The following FARP2 variants were observed in gnomAD, a reference collection of about 807,000 sequenced individuals.
FARP2 encodes the protein FERM, ARHGEF and pleckstrin domain-containing protein 2.
FARP2 carries 111 observed loss-of-function variants against 130.5 expected under a neutral mutation model. The observed-to-expected ratio is 0.85, with a 90% CI of 0.73 to 1.00. The LOEUF is 1.00. Ranked by LOEUF, FARP2 falls within the 50% of genes least tolerant of loss-of-function variation. FARP2 has a pLI of 0.00. For missense variants in FARP2, 1,385 were observed against 1,346.3 expected, an observed-to-expected ratio of 1.03 and a Z score of -0.45; for synonymous variants, 504 against 516.9, an observed-to-expected ratio of 0.98 and a Z score of 0.34.
intron 16 of FARP2, 193 bp from the exon 17 acceptor site, chr2:241,463,706 C>G (rs1054440948): frequency 2.9e-6 from 2 of 679,520 alleles, no homozygotes; most frequent in African/African-American, 3.6e-5. Context: ...TGGTTACTAT[C>G]TGTTTTAGAG....
At chr2:241,477,123 CTTTTT>C (rs71406462) in intron 19 of FARP2, among the ~76,000 whole-genome samples, 3 of 122,646 alleles carry the variant, frequency 2.4e-5, no homozygotes, top group Admixed American at 9.9e-5. Flanking sequence ...ATTCATGTTC[CTTTTT>C]TTTTTTTTTT....
At chr2:241,441,922 G>C (rs2063394506) in intron 13 of FARP2, 1 of 376,604 alleles carries the variant, frequency 2.7e-6, no homozygotes, top group Non-Finnish European at 5.0e-6. Context: ...CCAGCCTCTG[G>C]TGGCCCCTCC....
intron 1 of FARP2, among the ~76,000 whole-genome samples, chr2:241,364,472 C>G (rs922869954): frequency 5.3e-5 from 8 of 152,200 alleles, no homozygotes; most frequent in African/African-American, 1.9e-4. Context: ...CCCGTAGACA[C>G]TGTGAGATAA....
rs577086896 is a variant in FARP2 at position 241,485,501 on chromosome 2, T to C, written c.2421+1170T>C. The stretch of plus-strand genomic sequence containing the variant: ...TCGGCTTCTCCCTCCCTCCCTGAGG[T>C]CCTCCCTCACTCCCTGTGATCTCCC... On this transcript the variant is annotated intron_variant, in intron 21 of 26. Coordinates refer to ENST00000264042, the MANE Select transcript of FARP2 (RefSeq NM_014808.4). Among the ~76,000 whole-genome samples, 5 of 141,722 alleles carry C rather than the reference T, an allele frequency of 3.5e-5. No individual in the cohort carries two copies. In the East Asian group the frequency reaches 1.1e-3, roughly 32 times the overall value. 93.0% of individuals were successfully genotyped at this position (141,722 alleles called of 152,430 possible).
chr2:241,445,239 T>G (rs1291560217), intron 13 of FARP2: 8 of 110,400 alleles, frequency 7.2e-5, no homozygotes. Flanking sequence ...AGCGAGGCCC[T>G]GTCTCAAAAA....
At chr2:241,420,384 T>C (rs999380447) in intron 8 of FARP2, among the ~76,000 whole-genome samples, 2 of 152,162 alleles carry the variant, frequency 1.3e-5, no homozygotes, top group African/African-American at 2.4e-5. Flanking sequence ...TTAAATGAAC[T>C]GGTGACATTA....
chr2:241,481,056 CAA>C (rs34996407), intron 19 of FARP2, among the ~76,000 whole-genome samples: 23,343 of 104,524 alleles, frequency 0.22, 2,203 homozygotes, highest in Middle Eastern at 0.28. Flanking sequence ...TTGTCTCTAC[CAA>C]AAAAAAAAAA....
intron 2 of FARP2, among the ~76,000 whole-genome samples, chr2:241,401,125 G>A (rs6746127): frequency 0.19 from 28,950 of 152,166 alleles, 3,102 homozygotes; most frequent in Middle Eastern, 0.35. Flanking sequence ...TTAAAGAGGC[G>A]TTCCTTGTAC....
rs187973574 is a variant in FARP2, at chr2:241,429,898, A to G, written c.772-1781A>G. The stretch of plus-strand genomic sequence containing the variant: ...AGGAGTTTGAGACTCCTTATCTCTT[A>G]AGGAAAGAAAGGTTACTTTTTGTCC... On this transcript the variant is annotated intron_variant, in intron 8 of 26. Coordinates refer to ENST00000264042, the MANE Select transcript of FARP2 (RefSeq NM_014808.4). 7.3e-3 allele frequency among the ~76,000 whole-genome samples: 1,119 copies of G among 152,306 alleles called. 8 individuals carry two copies. Among genetic ancestry groups the G allele is most frequent in the Non-Finnish European group, 0.012 (804 of 68,020 alleles).
At chr2:241,403,690 A>G (rs957653717) in intron 2 of FARP2, 138 bp from the exon 3 acceptor site, 2 of 445,052 alleles carry the variant, frequency 4.5e-6, no homozygotes, top group African/African-American at 2.0e-5. Context: ...TTTTTTATAT[A>G]TAGTTTATAA....
At chr2:241,491,750 G>A (rs2064922189) in intron 24 of FARP2, 71 bp downstream of exon 24, 4 of 1,454,050 alleles carry the variant, frequency 2.8e-6, no homozygotes, top group Middle Eastern at 2.4e-4. Flanking sequence ...GGCTGCTGAG[G>A]AGGGGACCTC....
intron 20 of FARP2, 42 bp from the exon 21 acceptor site, chr2:241,484,200 T>C (rs760740031): frequency 6.8e-6 from 11 of 1,613,096 alleles, no homozygotes; most frequent in Non-Finnish European, 8.5e-6. Flanking sequence ...ATTAAGACAC[T>C]TGTTTGTGAA....
chr2:241,386,104 T>G (rs193038188), intron 2 of FARP2, among the ~76,000 whole-genome samples: 1 of 152,296 alleles, frequency 6.6e-6, no homozygotes, highest in East Asian at 1.9e-4. Context: ...TTGATTTGAT[T>G]TTTTTAGAGA....
intron 11 of FARP2, among the ~76,000 whole-genome samples, chr2:241,435,526 T>TC (rs2063203878): frequency 6.6e-6 from 1 of 151,102 alleles, no homozygotes; most frequent in Non-Finnish European, 1.5e-5. Context: ...TTTTTTTTTT[T>TC]TTTGAGACGG....
chr2:241,385,073 AAAC>A (rs2061753197), intron 2 of FARP2, among the ~76,000 whole-genome samples: 1 of 152,214 alleles, frequency 6.6e-6, no homozygotes, highest in South Asian at 2.1e-4. Context: ...ACATAAGCAA[AAAC>A]AACCATCTTG....
At chr2:241,400,791 T>C (rs2150343492) in intron 2 of FARP2, among the ~76,000 whole-genome samples, 1 of 152,266 alleles carries the variant, frequency 6.6e-6, no homozygotes, top group South Asian at 2.1e-4. Context: ...TGGATGGAAG[T>C]GTGGACAGAC....
chr2:241,394,588 T>C (rs1289977899), intron 2 of FARP2, among the ~76,000 whole-genome samples: 1 of 152,076 alleles, frequency 6.6e-6, no homozygotes, highest in Non-Finnish European at 1.5e-5. Context: ...TGACACTTTA[T>C]GACCTACTGT....
chr2:241,389,128 A>C (rs2150324922), intron 2 of FARP2, among the ~76,000 whole-genome samples: 1 of 152,234 alleles, frequency 6.6e-6, no homozygotes, highest in African/African-American at 2.4e-5. Flanking sequence ...TAAAAGTACA[A>C]AAATCAGCTG....
intron 8 of FARP2, among the ~76,000 whole-genome samples, chr2:241,421,141 T>A (rs2062796521): frequency 6.6e-6 from 1 of 152,118 alleles, no homozygotes; most frequent in Non-Finnish European, 1.5e-5. Context: ...CCCAGGAAAC[T>A]ACACCTCTCC....
Sources: gnomAD v4.1 joint callset for allele counts (sites outside exome capture counted in the v4.1 genomes callset) on GRCh38, gnomAD v4.1.1 for gene constraint, MANE v1.5 for transcripts, NCBI Gene and HGNC (gene_info 2026-07-23, HGNC 2026-07-21) for gene names.